PHF21B: variants seen among roughly 807,000 people sequenced by gnomAD.
PHF21B encodes the protein PHD finger protein 21B, also known as PHD finger protein 4.
In PHF21B, 22 loss-of-function variants were observed where a neutral mutation model predicts 62.2. The ratio of observed to expected loss-of-function variants is 0.35; its 90% CI spans 0.25 to 0.51. The LOEUF is 0.51. Ranked by LOEUF, PHF21B falls within the 20% of genes least tolerant of loss-of-function variation. The pLI, the probability that PHF21B is intolerant of heterozygous loss-of-function variation, is 0.97. For missense variants in PHF21B, 701 were observed against 707.9 expected, an observed-to-expected ratio of 0.99 and a Z score of 0.11; for synonymous variants, 341 against 314.7, an observed-to-expected ratio of 1.08 and a Z score of -0.88.
At chr22:44,990,988 C>T (rs997539933) in intron 2 of PHF21B, among the ~76,000 whole-genome samples, 10 of 152,204 alleles carry the variant, frequency 6.6e-5, no homozygotes, top group South Asian at 6.2e-4. Flanking sequence ...CCTGCTGCCG[C>T]GGCTCCTCCA....
At chr22:44,908,324 C>T (rs1256335733) in intron 5 of PHF21B, among the ~76,000 whole-genome samples, 1 of 152,198 alleles carries the variant, frequency 6.6e-6, no homozygotes, top group Non-Finnish European at 1.5e-5. Context: ...CCTGTGGGGC[C>T]TGAAACTGAC....
chr22:45,007,520 C>A (rs538872370), intron 2 of PHF21B, among the ~76,000 whole-genome samples: 2,408 of 125,348 alleles, frequency 0.019, 79 homozygotes, highest in African/African-American at 0.068. Flanking sequence ...GAAGGAAACG[C>A]GATCGATGGC....
chr22:44,989,013 G>A (rs553761786), intron 2 of PHF21B: 3 of 152,198 alleles, frequency 2.0e-5, no homozygotes, highest in African/African-American at 7.2e-5. Context: ...GTAGCCCTGG[G>A]GACCTAATCA....
chr22:44,983,003 G>A (rs949579612), intron 2 of PHF21B, among the ~76,000 whole-genome samples: 1 of 152,284 alleles, frequency 6.6e-6, no homozygotes, highest in East Asian at 1.9e-4. Context: ...CAGCACTTTG[G>A]GAGACCGAGG....
At chr22:44,916,093 G>T (rs1366271759) in intron 4 of PHF21B, among the ~76,000 whole-genome samples, 187 bp downstream of exon 4, 1 of 152,192 alleles carries the variant, frequency 6.6e-6, no homozygotes, top group East Asian at 1.9e-4. Context: ...TTAATCATGT[G>T]TTCATACTCC....
At chr22:44,891,200 G>C in intron 8 of PHF21B, 106 bp downstream of exon 8, 1 of 1,286,474 alleles carries the variant, frequency 7.8e-7, no homozygotes, top group Non-Finnish European at 1.1e-6. Flanking sequence ...GGTCAGACCA[G>C]TGGGAGGCGG....
intron 2 of PHF21B, among the ~76,000 whole-genome samples, chr22:44,979,737 T>C (rs892614751): frequency 6.6e-6 from 1 of 152,178 alleles, no homozygotes; most frequent in Non-Finnish European, 1.5e-5. Flanking sequence ...TTTCAAAATG[T>C]CTTGTTGTCT....
chr22:44,934,215 A>G (rs1310792041), intron 2 of PHF21B, among the ~76,000 whole-genome samples: 1 of 152,118 alleles, frequency 6.6e-6, no homozygotes, highest in Non-Finnish European at 1.5e-5. Flanking sequence ...CCTGACTCTC[A>G]GGTGCCGCTG....
rs543978459 is a variant in PHF21B, at chr22:44,992,488, G to T, written c.120+16057C>A. Among the ~76,000 whole-genome samples, 17 of 152,372 alleles carry T rather than the reference G, an allele frequency of 1.1e-4. No individual in the cohort carries two copies. In the East Asian group the frequency reaches 3.3e-3, roughly 29 times the overall value. On this transcript the variant is annotated intron_variant, in intron 2 of 12. Transcript: ENST00000313237. Reference sequence around the variant, plus strand: ...CTGGCTGATGCCAAGCACAGCAGGTGACTGTCAAGCACGTCACCCACATCA... The same window carrying T: ...CTGGCTGATGCCAAGCACAGCAGGTTACTGTCAAGCACGTCACCCACATCA...
chr22:44,932,254 C>A (rs1280141527), intron 2 of PHF21B, among the ~76,000 whole-genome samples: 1 of 152,214 alleles, frequency 6.6e-6, no homozygotes, highest in South Asian at 2.1e-4. Context: ...GGGCGAATGC[C>A]CCACCCCAGA....
At chr22:44,989,377 C>G (rs1338133696) in intron 2 of PHF21B, 2 of 152,134 alleles carry the variant, frequency 1.3e-5, no homozygotes, top group Admixed American at 6.5e-5. Flanking sequence ...AAAGGCCCAC[C>G]AGCCCTCAAA....
chr22:44,990,411 A>G (rs990309373), intron 2 of PHF21B, among the ~76,000 whole-genome samples: 2 of 127,274 alleles, frequency 1.6e-5, no homozygotes, highest in Non-Finnish European at 3.3e-5. Context: ...GAAGCAAGGC[A>G]AACGTGCATT....
intron 2 of PHF21B, among the ~76,000 whole-genome samples, chr22:44,946,366 C>T (rs1439370445): frequency 1.3e-5 from 2 of 152,176 alleles, no homozygotes; most frequent in Admixed American, 6.5e-5. Context: ...CCTACAATCT[C>T]GATCCCTCCT....
chr22:45,001,838 C>T (rs6006914), intron 2 of PHF21B: 34,244 of 152,158 alleles, frequency 0.23, 5,673 homozygotes, highest in African/African-American at 0.46. Context: ...ACATCATAGA[C>T]GCATCTGCAG....
intron 2 of PHF21B, among the ~76,000 whole-genome samples, chr22:44,997,703 G>A (rs1447276363): frequency 6.6e-6 from 1 of 152,144 alleles, no homozygotes; most frequent in East Asian, 1.9e-4. Context: ...CCGCCTGAAT[G>A]ACATCAAAGA....
chr22:44,972,290 C>T (rs1284396127), intron 2 of PHF21B, among the ~76,000 whole-genome samples: 2 of 152,202 alleles, frequency 1.3e-5, no homozygotes, highest in African/African-American at 2.4e-5. Flanking sequence ...TTAAGGAGGA[C>T]GTTTCTTTTT....
chr22:45,002,966 CA>C (rs1004066940), intron 2 of PHF21B: 5 of 152,258 alleles, frequency 3.3e-5, no homozygotes, highest in Admixed American at 3.3e-4. Context: ...ATCTCCCAGG[CA>C]ACCCCCTCCC....
chr22:44,959,996 C>T (rs1041227638), intron 2 of PHF21B, among the ~76,000 whole-genome samples: 9 of 152,206 alleles, frequency 5.9e-5, no homozygotes, highest in African/African-American at 1.9e-4. Flanking sequence ...CCCCAGAGAG[C>T]GGGCCCTCCG....
At chr22:44,905,501 C>A (rs905322727) in intron 5 of PHF21B, among the ~76,000 whole-genome samples, 3 of 152,180 alleles carry the variant, frequency 2.0e-5, no homozygotes, top group Admixed American at 6.5e-5. Context: ...GTATTTAGCA[C>A]AATTCACTTC....
Sources: allele counts gnomAD v4.1 joint callset (sites outside exome capture counted in the v4.1 genomes callset), GRCh38; gene constraint gnomAD v4.1.1; transcripts MANE v1.5; gene names NCBI Gene and HGNC (gene_info 2026-07-23, HGNC 2026-07-21).